Variants in GAP43 observed in about 807,000 individuals in gnomAD.
The protein encoded by GAP43 is growth associated protein 43.
Under a neutral mutation model 18.6 loss-of-function variants are expected in GAP43, and 6 were observed. The observed-to-expected ratio is 0.32, with a 90% confidence interval of 0.18 to 0.64. The LOEUF (loss-of-function observed/expected upper bound fraction) is 0.64, where lower values mean the gene tolerates loss of function less well. GAP43 is among the 30% of genes least tolerant of loss of function. The pLI is 0.78. For missense variants in GAP43, 292 were observed against 295.5 expected (o/e 0.99, Z 0.09); for synonymous variants, 115 against 111.4 (o/e 1.03, Z -0.20).
chr3:115,658,137 C>G (rs1272051228), intron 1 of GAP43, among the ~76,000 whole-genome samples: 1 of 152,108 alleles, frequency 6.6e-6, no homozygotes, highest in Non-Finnish European at 1.5e-5. Context: ...TCCTTAGACC[C>G]CAGACTCAAA....
intron 1 of GAP43, among the ~76,000 whole-genome samples, chr3:115,653,958 G>A (rs1476098881): frequency 6.6e-6 from 1 of 151,894 alleles, no homozygotes; most frequent in Non-Finnish European, 1.5e-5. Context: ...CATGGATCAA[G>A]AGTAGAGAGG....
chr3:115,709,391 A>T (rs824345), intron 2 of GAP43, among the ~76,000 whole-genome samples: 2 of 152,172 alleles, frequency 1.3e-5, no homozygotes, highest in South Asian at 4.1e-4. Context: ...TTGAGTTTGC[A>T]AAGGCTGGAG....
chr3:115,671,332 A>T (rs1708812761), intron 1 of GAP43, among the ~76,000 whole-genome samples: 1 of 152,244 alleles, frequency 6.6e-6, no homozygotes, highest in Admixed American at 6.5e-5. Context: ...TAATTCTTAA[A>T]TATCAATTAA....
chr3:115,692,423 G>A (rs1709126770), intron 2 of GAP43, among the ~76,000 whole-genome samples: 1 of 152,094 alleles, frequency 6.6e-6, no homozygotes, highest in African/African-American at 2.4e-5. Context: ...TGTTGTCATG[G>A]AAGTTACAGT....
intron 1 of GAP43, among the ~76,000 whole-genome samples, chr3:115,664,427 G>A (rs1438625013): frequency 2.0e-5 from 3 of 151,910 alleles, no homozygotes; most frequent in Non-Finnish European, 2.9e-5. Context: ...TCTTCTTCCA[G>A]GCATTTTACA....
At chr3:115,641,888 A>G (rs774705434) in intron 1 of GAP43, among the ~76,000 whole-genome samples, 9 of 152,074 alleles carry the variant, frequency 5.9e-5, no homozygotes, top group Non-Finnish European at 1.0e-4. Flanking sequence ...TTGCGGCTGA[A>G]GCAGAGTTTG....
At chr3:115,659,375 C>CT (rs1708627941) in intron 1 of GAP43, among the ~76,000 whole-genome samples, 1 of 151,968 alleles carries the variant, frequency 6.6e-6, no homozygotes, top group African/African-American at 2.4e-5. Flanking sequence ...ACACAAGTTT[C>CT]TTTTTCGGGG....
At chr3:115,641,377 G>T (rs753527719) in intron 1 of GAP43, among the ~76,000 whole-genome samples, 10 of 151,146 alleles carry the variant, frequency 6.6e-5, no homozygotes, top group Non-Finnish European at 1.2e-4. Context: ...TACACACATA[G>T]GAGTTTGTGT....
At chr3:115,677,906 T>G (rs913672638) in intron 2 of GAP43, among the ~76,000 whole-genome samples, 1 of 152,234 alleles carries the variant, frequency 6.6e-6, no homozygotes, top group African/African-American at 2.4e-5. Context: ...TCTAGATATT[T>G]TAGGTCTACT....
intron 1 of GAP43, among the ~76,000 whole-genome samples, chr3:115,664,286 A>AT (rs888281097): frequency 1.3e-4 from 19 of 151,212 alleles, no homozygotes; most frequent in African/African-American, 4.6e-4. Flanking sequence ...GGCATTTATT[A>AT]TTTTTTTAAG....
rs559055070 is a variant in GAP43 at position 115,716,123 on chromosome 3, A to G, written c.629-4671A>G. Among the ~76,000 whole-genome samples the G allele has an allele frequency of 1.1e-3, 163 of 152,378 alleles. 2 individuals are homozygous for G. Among genetic ancestry groups the G allele is most frequent in the African/African-American group, 3.6e-3 (150 of 41,594 alleles). The stretch of plus-strand genomic sequence containing the variant: ...CAAAGGACCAGGGAAGTCACAATCC[A>G]TAATTCTTTCCAGGCAGTTGTTTTA... On this transcript the variant is annotated intron_variant, in intron 2 of 2. Coordinates refer to ENST00000305124, the MANE Select transcript of GAP43 (RefSeq NM_002045.4).
intron 1 of GAP43, among the ~76,000 whole-genome samples, chr3:115,662,215 C>T (rs550460945): frequency 1.3e-5 from 2 of 152,114 alleles, no homozygotes; most frequent in Non-Finnish European, 2.9e-5. Flanking sequence ...GGAGAATCTT[C>T]GTCTAGGTCC....
intron 1 of GAP43, among the ~76,000 whole-genome samples, chr3:115,670,029 G>T: frequency 7.6e-6 from 1 of 131,366 alleles, no homozygotes. Context: ...AAGTTTTAGG[G>T]TACATGTGCA....
chr3:115,667,339 G>A (rs1185525411), intron 1 of GAP43, among the ~76,000 whole-genome samples: 1 of 152,170 alleles, frequency 6.6e-6, no homozygotes, highest in Admixed American at 6.5e-5. Flanking sequence ...TTGAAGAAGG[G>A]TGTGTGGTAG....
At chr3:115,687,586 G>T (rs1462243830) in intron 2 of GAP43, among the ~76,000 whole-genome samples, 1 of 152,124 alleles carries the variant, frequency 6.6e-6, no homozygotes, top group African/African-American at 2.4e-5. Flanking sequence ...TGTTGCTGGA[G>T]CCTGGAGTTC....
intron 1 of GAP43, among the ~76,000 whole-genome samples, chr3:115,666,991 G>A (rs192641500): frequency 7.7e-4 from 118 of 152,260 alleles, no homozygotes; most frequent in African/African-American, 2.5e-3. Context: ...GGAGAGTGGC[G>A]TGATGAAGGC....
At chr3:115,675,734 G>C (rs1195683496) in intron 1 of GAP43, among the ~76,000 whole-genome samples, 2 of 126,972 alleles carry the variant, frequency 1.6e-5, no homozygotes, top group African/African-American at 6.1e-5. Context: ...ACTCCAGCCT[G>C]GGTGACAGAC....
chr3:115,702,271 T>A (rs1301842365), intron 2 of GAP43, among the ~76,000 whole-genome samples: 1 of 152,106 alleles, frequency 6.6e-6, no homozygotes, highest in African/African-American at 2.4e-5. Flanking sequence ...TAAGGATTAA[T>A]GATAAGACAG....
chr3:115,679,449 C>T (rs539352397), intron 2 of GAP43, among the ~76,000 whole-genome samples: 15 of 152,198 alleles, frequency 9.9e-5, no homozygotes, highest in East Asian at 3.9e-4. Flanking sequence ...TCCACCTCTC[C>T]CTAGTTTGCC....
Sources: gnomAD v4.1 joint callset for allele counts (sites outside exome capture counted in the v4.1 genomes callset) on GRCh38, gnomAD v4.1.1 for gene constraint, MANE v1.5 for transcripts, NCBI Gene and HGNC (gene_info 2026-07-23, HGNC 2026-07-21) for gene names.